The following USP35 variants were observed in gnomAD, a reference collection of about 807,000 sequenced individuals.
USP35 encodes the protein ubiquitin specific peptidase 35, also known as ubiquitin carboxyl-terminal hydrolase 35.
USP35 carries 69 observed loss-of-function variants against 83.8 expected under a neutral mutation model. The ratio of observed to expected loss-of-function variants is 0.82; its 90% CI spans 0.68 to 1.01. The LOEUF (loss-of-function observed/expected upper bound fraction) is 1.01. Ranked by LOEUF, USP35 falls within the 50% of genes least tolerant of loss-of-function variation. The pLI, the probability that USP35 is intolerant of heterozygous loss-of-function variation, is 0.00. For synonymous variants in USP35, 714 were observed against 589.5 expected (o/e 1.21, Z -3.06); for missense variants, 1,503 against 1,362.5 (o/e 1.10, Z -1.62).
Position 78,208,944 on chromosome 11 carries a change from C to G in USP35, c.1573C>G (p.Leu525Val). 1 of 1,614,176 alleles carries G rather than the reference C, an allele frequency of 6.2e-7. No homozygotes were observed. The highest frequency in any genetic ancestry group is 8.5e-7 in the Non-Finnish European group (1 of 1,180,008). ...CACCCAGCAGGACTGCTCGGAGTAT[C>G]TGAAGTACCTGCTGGATCGGTAAGG... ...PGTQQDCSEY[L>V]KYLLDRLHEE... Residue 525 changes from leucine to valine, a missense_variant, in exon 9 of 11, where the codon CTG becomes GTG. Coordinates refer to ENST00000529308, the MANE Select transcript of USP35 (RefSeq NM_020798.4).
chr11:78,230,762 T>G, the USP35 span, among the ~76,000 whole-genome samples: 1 of 152,248 alleles, frequency 6.6e-6, no homozygotes, highest in Admixed American at 6.5e-5. Context: ...GCAGGGAATT[T>G]GTTCTAGCAG....
chr11:78,234,176 A>G, the USP35 span, among the ~76,000 whole-genome samples: 1 of 152,084 alleles, frequency 6.6e-6, no homozygotes, highest in African/African-American at 2.4e-5. Flanking sequence ...GACCTCCCCC[A>G]GGCTCAAGTG....
At chr11:78,211,362 A>G (rs1335659133) in intron 10 of USP35, among the ~76,000 whole-genome samples, 1 of 152,138 alleles carries the variant, frequency 6.6e-6, no homozygotes. Flanking sequence ...ATTGATGGGC[A>G]TTTGGGTTGA....
At chr11:78,191,790 C>T (rs1863011247) in intron 1 of USP35, among the ~76,000 whole-genome samples, 1 of 151,922 alleles carries the variant, frequency 6.6e-6, no homozygotes, top group South Asian at 2.1e-4. Flanking sequence ...TCTGTGTCTC[C>T]CATCAGTGCC....
Position 78,196,522 on chromosome 11 carries a change from G to A in USP35, c.277G>A (p.Ala93Thr). The change falls in exon 2 of 11, where the codon GCC becomes ACC. Residue 93 changes from alanine to threonine, a missense_variant. Physicochemically the swap from Ala to Thr is moderately conservative, Grantham distance 58. Coordinates refer to ENST00000529308, the MANE Select transcript of USP35 (RefSeq NM_020798.4). This position sits in a 1 kb window ranked among gnomAD's most constrained non-coding sequence, Gnocchi z 4.8. ...RRVLRLLQGG[A>T]GPPGPRALAC... is the part of the protein sequence containing the mutation. ...CGTGCTGCGCCTGCTGCAGGGTGGC[G>A]CCGGCCCCCCGGGCCCCCGCGCGCT... is the stretch of plus-strand genomic sequence containing the variant. The A allele has an allele frequency of 3.3e-6, 4 of 1,223,816 alleles. No homozygotes were observed. Among genetic ancestry groups the A allele is most frequent in the Non-Finnish European group, 2.1e-6 (2 of 975,146 alleles). The allele number at this position is 1,223,816 out of a possible 1,614,324, so 75.8% of individuals were successfully genotyped here. A position where few individuals can be genotyped will look rare whatever the true frequency, so the allele number is the denominator to read the frequency against.
chr11:78,197,244 G>C (rs57180409), intron 2 of USP35, among the ~76,000 whole-genome samples: 3 of 146,704 alleles, frequency 2.0e-5, no homozygotes, highest in Non-Finnish European at 4.5e-5. Flanking sequence ...GAGGTGGGGG[G>C]GGGGGTCATT....
Position 78,215,064 on chromosome 11 carries a change from G to GCAGA in USP35, c.*1258_*1261dup, listed in dbSNP as rs1262125739. 3.9e-5 allele frequency among the ~76,000 whole-genome samples: 6 copies of GCAGA among 152,166 alleles called. No homozygotes were observed. In the East Asian group the frequency reaches 5.8e-4, roughly 15 times the overall value. ...CACATCTAAGTGACCTGTGAAAGCA[G>GCAGA]CAGACAGACACGCCCAGAACCCATC... is the stretch of plus-strand genomic sequence containing the variant. On this transcript the variant is annotated 3_prime_UTR_variant, in exon 11 of 11. Transcript: ENST00000529308.
rs760699379 is a variant in USP35, at chr11:78,214,915, CTGCCCGTGGAGAGGA to C, written c.*1106_*1120del. 3.9e-5 allele frequency among the ~76,000 whole-genome samples: 6 copies of C among 152,212 alleles called. No individual in the cohort carries two copies. The highest frequency in any genetic ancestry group is 7.4e-5 in the Non-Finnish European group (5 of 68,008). On this transcript the variant is annotated 3_prime_UTR_variant, in exon 11 of 11. Transcript: ENST00000529308. Reference sequence around the variant, plus strand: ...TTACCTTACTGAGGGCTGGGTGATGCTGCCCGTGGAGAGGATGCACCTGGGAGGCAGCTCTCAAGC... The same window carrying C: ...TTACCTTACTGAGGGCTGGGTGATGCTGCACCTGGGAGGCAGCTCTCAAGC...
intron 6 of USP35, among the ~76,000 whole-genome samples, chr11:78,201,565 TGAG>T (rs1038800381): frequency 6.6e-6 from 1 of 152,188 alleles, no homozygotes; most frequent in African/African-American, 2.4e-5. Flanking sequence ...AGAGGACAGA[TGAG>T]GCCTCTAAGA....
At chr11:78,224,161 G>A in the USP35 span, among the ~76,000 whole-genome samples, 2 of 152,148 alleles carry the variant, frequency 1.3e-5, no homozygotes, top group African/African-American at 2.4e-5. Flanking sequence ...AAGCCTTCAC[G>A]ATCCTTTGGC....
chr11:78,222,897 C>A, the USP35 span, among the ~76,000 whole-genome samples: 3 of 152,190 alleles, frequency 2.0e-5, no homozygotes, highest in Non-Finnish European at 2.9e-5. Context: ...AGCCAAGAGA[C>A]CATATTTGAA....
downstream of USP35, chr11:78,219,181 G>T: frequency 8.3e-7 from 1 of 1,208,680 alleles, no homozygotes; most frequent in Non-Finnish European, 1.2e-6. Context: ...GAGAGGAGGT[G>T]GATGGGAGGA....
At chr11:78,226,424 C>A in the USP35 span, 1 of 1,479,446 alleles carries the variant, frequency 6.8e-7, no homozygotes, top group Non-Finnish European at 9.5e-7. Context: ...CCCTGTGTTA[C>A]CTCCTCCTCC....
At chr11:78,230,182 T>A in the USP35 span, among the ~76,000 whole-genome samples, 1 of 152,376 alleles carries the variant, frequency 6.6e-6, no homozygotes, top group Admixed American at 6.5e-5. Flanking sequence ...GTTGCTGCTA[T>A]CCCTTTTCCT....
At chr11:78,200,293 C>A (rs762637041) in intron 5 of USP35, 59 bp downstream of exon 5, 8 of 1,550,050 alleles carry the variant, frequency 5.2e-6, no homozygotes, top group Non-Finnish European at 7.1e-6. Flanking sequence ...CTGGTAAGGG[C>A]CCTGCCTACT....
intron 1 of USP35, among the ~76,000 whole-genome samples, chr11:78,189,366 A>T (rs753007829): frequency 2.6e-5 from 4 of 152,106 alleles, no homozygotes; most frequent in African/African-American, 4.8e-5. Context: ...TGTCGAAGTG[A>T]TCCTGCTCCC....
At chr11:78,235,215 C>G in the USP35 span, among the ~76,000 whole-genome samples, 1 of 151,842 alleles carries the variant, frequency 6.6e-6, no homozygotes, top group African/African-American at 2.4e-5. Flanking sequence ...TGCAGTGGCA[C>G]GATCTCGGCT....
rs1451293839 is a variant in USP35, at chr11:78,196,977, G to A, written c.673+59G>A. On this transcript the variant is annotated intron_variant, in intron 2 of 10. Transcript: ENST00000529308. This position sits in a 1 kb window ranked among gnomAD's most constrained non-coding sequence, Gnocchi z 4.8. ...GCGGAGGTCCTGGGTGGGCGCTTGGGTAGGTGGCTGTACGTGTGGATTTGT... is the reference window on the plus strand; with the variant it reads ...GCGGAGGTCCTGGGTGGGCGCTTGGATAGGTGGCTGTACGTGTGGATTTGT... The A allele has an allele frequency of 2.1e-6, 3 of 1,420,994 alleles. No homozygotes were observed. The South Asian group carries it at 4.7e-5, about 22-fold the overall frequency. 88.0% of individuals were successfully genotyped at this position (1,420,994 alleles called of 1,614,324 possible). A position where few individuals can be genotyped will look rare whatever the true frequency, so the allele number is the denominator to read the frequency against.
At chr11:78,198,147 G>T in intron 3 of USP35, 79 bp downstream of exon 3, 1 of 1,588,850 alleles carries the variant, frequency 6.3e-7, no homozygotes, top group Non-Finnish European at 8.6e-7. Flanking sequence ...CTCCTGGGTG[G>T]GCCGCTGGGC....
Sources: allele counts gnomAD v4.1 joint callset (sites outside exome capture counted in the v4.1 genomes callset), GRCh38; gene constraint gnomAD v4.1.1; non-coding constraint Gnocchi (gnomAD v3.1); transcripts MANE v1.5; gene names NCBI Gene and HGNC (gene_info 2026-07-23, HGNC 2026-07-21).